B4GALT5: variants seen among roughly 807,000 people sequenced by gnomAD.
The protein encoded by B4GALT5 is beta-1,4-galactosyltransferase 5.
Under a neutral mutation model 45.0 loss-of-function variants are expected in B4GALT5, and 11 were observed. The observed-to-expected ratio is 0.24, with a 90% CI of 0.15 to 0.40. The LOEUF (loss-of-function observed/expected upper bound fraction) is 0.40. B4GALT5 is among the 10% of genes least tolerant of loss of function. The pLI is 1.00. For missense variants in B4GALT5, 337 were observed against 500.2 expected (o/e 0.67, Z 3.11); for synonymous variants, 185 against 182.9 (o/e 1.01, Z -0.09).
chr20:49,694,640 G>GGGAAAGGGAAAA (rs1241749566), intron 1 of B4GALT5, among the ~76,000 whole-genome samples: 45 of 140,808 alleles, frequency 3.2e-4, no homozygotes, highest in African/African-American at 1.2e-3. Context: ...CTGCTGAGAA[G>GGGAAAGGGAAAA]GGAAAGGGAA....
At chr20:49,640,243 T>A (rs1191403201) in intron 6 of B4GALT5, among the ~76,000 whole-genome samples, 1 of 152,214 alleles carries the variant, frequency 6.6e-6, no homozygotes, top group African/African-American at 2.4e-5. Context: ...ATACACAACC[T>A]TTGTGTCTGG....
intron 1 of B4GALT5, among the ~76,000 whole-genome samples, chr20:49,677,934 A>T (rs1196336743): frequency 6.6e-6 from 1 of 152,134 alleles, no homozygotes; most frequent in African/African-American, 2.4e-5. Context: ...TTTAGTAGAG[A>T]CAGGAGTTTC....
intron 1 of B4GALT5, among the ~76,000 whole-genome samples, chr20:49,708,729 C>T (rs973916818): frequency 3.3e-5 from 5 of 152,104 alleles, no homozygotes; most frequent in East Asian, 1.9e-4. Flanking sequence ...GGGCAGACCA[C>T]GAGGTCAGGA....
chr20:49,702,383 T>C (rs1390378651), intron 1 of B4GALT5, among the ~76,000 whole-genome samples: 1 of 152,176 alleles, frequency 6.6e-6, no homozygotes, highest in African/African-American at 2.4e-5. Context: ...TAAGTGATAA[T>C]ATTTACAAAG....
intron 1 of B4GALT5, among the ~76,000 whole-genome samples, chr20:49,672,243 T>A (rs928904075): frequency 6.6e-6 from 1 of 152,352 alleles, no homozygotes; most frequent in East Asian, 1.9e-4. Context: ...GGTTATCTAC[T>A]CGTTGGGAAT....
intron 1 of B4GALT5, among the ~76,000 whole-genome samples, chr20:49,705,560 T>G (rs1378115799): frequency 6.6e-6 from 1 of 152,122 alleles, no homozygotes; most frequent in African/African-American, 2.4e-5. Flanking sequence ...GTCTGAAGAT[T>G]ACACACAAGC....
intron 3 of B4GALT5, among the ~76,000 whole-genome samples, chr20:49,645,973 G>T (rs947769309): frequency 6.6e-6 from 1 of 151,428 alleles, no homozygotes; most frequent in South Asian, 2.1e-4. Context: ...GTTGTTTGAG[G>T]CCAGGAGTTC....
At position 49,713,598 on chromosome 20, in the gene B4GALT5, G is replaced by A. The variant is rs1430606525; in HGVS notation, c.93C>T (p.Phe31=). The A allele has an allele frequency of 1.9e-6, 3 of 1,591,310 alleles. No individual in the cohort carries two copies. The highest frequency in any genetic ancestry group is 1.7e-4 in the Middle Eastern group (1 of 6,014). ...TACCTATGCCGGGCGCCACATAGAC[G>A]AAGTACAGCAGCGAGGACGAGAGAG... The part of the protein sequence containing the change: ...FFSLSSSLLY[F]VYVAPGIVNT... The change falls in exon 1 of 9, where the codon TTC becomes TTT. Residue 31 remains phenylalanine, a synonymous_variant. Coordinates refer to ENST00000371711, the MANE Select transcript of B4GALT5 (RefSeq NM_004776.4).
At chr20:49,643,921 G>T (rs1295365097) in intron 3 of B4GALT5, among the ~76,000 whole-genome samples, 1 of 115,748 alleles carries the variant, frequency 8.6e-6, no homozygotes, top group Non-Finnish European at 1.7e-5. Context: ...CAGTAGCTGA[G>T]CTTTTTTTTT....
intron 2 of B4GALT5, among the ~76,000 whole-genome samples, chr20:49,648,069 T>A (rs1198355568): frequency 6.6e-6 from 1 of 152,236 alleles, no homozygotes. Flanking sequence ...TTTGAAGAGC[T>A]CTTGTTTCCT....
At chr20:49,703,726 TAAA>T (rs754947222) in intron 1 of B4GALT5, among the ~76,000 whole-genome samples, 1 of 52,164 alleles carries the variant, frequency 1.9e-5, no homozygotes, top group Non-Finnish European at 3.9e-5. Flanking sequence ...GCATTTCTAC[TAAA>T]AAAAAAAAAA....
At position 49,636,907 on chromosome 20, in the gene B4GALT5, G is replaced by GACAC. The variant is rs5841760; in HGVS notation, c.1019+430_1019+433dup. Among the ~76,000 whole-genome samples, 1,206 of 146,482 alleles carry GACAC rather than the reference G, an allele frequency of 8.2e-3. 12 individuals carry two copies. The highest frequency in any genetic ancestry group is 0.018 in the African/African-American group (701 of 39,482). ...ACAGTCTTCCCCACAATTTAGAAAA[G>GACAC]ACACACACACACACACACACACACA... On this transcript the variant is annotated intron_variant, in intron 8 of 8. Coordinates refer to ENST00000371711, the MANE Select transcript of B4GALT5 (RefSeq NM_004776.4).
intron 1 of B4GALT5, among the ~76,000 whole-genome samples, chr20:49,706,615 C>A (rs796342144): frequency 6.6e-6 from 1 of 152,134 alleles, no homozygotes; most frequent in African/African-American, 2.4e-5. Flanking sequence ...AAACATAACT[C>A]GTGTGCAAAG....
At chr20:49,676,985 T>C (rs967160542) in intron 1 of B4GALT5, among the ~76,000 whole-genome samples, 12 of 152,202 alleles carry the variant, frequency 7.9e-5, no homozygotes, top group East Asian at 5.8e-4. Context: ...CTATGATGTA[T>C]GTCCTTATAT....
At chr20:49,665,732 G>C (rs1436381610) in intron 1 of B4GALT5, among the ~76,000 whole-genome samples, 1 of 147,912 alleles carries the variant, frequency 6.8e-6, no homozygotes, top group African/African-American at 2.5e-5. Flanking sequence ...CAGGAGAGTG[G>C]CTACTAGATC....
intron 2 of B4GALT5, among the ~76,000 whole-genome samples, chr20:49,655,487 G>A (rs1458239317): frequency 6.6e-6 from 1 of 152,108 alleles, no homozygotes; most frequent in Non-Finnish European, 1.5e-5. Flanking sequence ...CAGAAATGAG[G>A]CGAATCATGA....
In B4GALT5 at chr20:49,637,370, G is replaced by A. The variant is rs2085558450; in HGVS notation, c.990C>T (p.His330=). ...DTGKYKSIPH[H]HRGEVQFLGR... Reference sequence around the variant, plus strand: ...CAAGAAACTGGACTTCTCCTCGATGGTGATGAGGAATGGACTTGTACTTTC... The same window carrying A: ...CAAGAAACTGGACTTCTCCTCGATGATGATGAGGAATGGACTTGTACTTTC... Residue 330 remains histidine (H), a synonymous_variant, in exon 8 of 9, where the codon CAC becomes CAT. Coordinates refer to ENST00000371711, the MANE Select transcript of B4GALT5 (RefSeq NM_004776.4). 6.2e-7 allele frequency: 1 copy of A among 1,614,050 alleles called. No homozygotes were observed. Among genetic ancestry groups the A allele is most frequent in the Non-Finnish European group, 8.5e-7 (1 of 1,179,954 alleles).
chr20:49,665,038 C>A (rs574838121), intron 1 of B4GALT5, among the ~76,000 whole-genome samples: 1 of 152,256 alleles, frequency 6.6e-6, no homozygotes, highest in East Asian at 1.9e-4. Flanking sequence ...GCTTACTGTT[C>A]TGCTGGACTT....
At chr20:49,640,717 C>G (rs774275927) in intron 5 of B4GALT5, 52 bp from the exon 6 acceptor site, 13 of 1,504,778 alleles carry the variant, frequency 8.6e-6, no homozygotes, top group African/African-American at 1.4e-5. Context: ...AAAATCTTTG[C>G]TGTCTTTCCT....
Sources: allele counts gnomAD v4.1 joint callset (sites outside exome capture counted in the v4.1 genomes callset), GRCh38; gene constraint gnomAD v4.1.1; transcripts MANE v1.5; gene names NCBI Gene and HGNC (gene_info 2026-07-23, HGNC 2026-07-21).